The following LHPP variants were observed in gnomAD, a reference collection of about 807,000 sequenced individuals.
The protein encoded by LHPP is phospholysine phosphohistidine inorganic pyrophosphate phosphatase, also known as hLHPP.
A neutral mutation model predicts 30.3 loss-of-function variants in LHPP; 24 were observed. The observed-to-expected ratio is 0.79, with a 90% CI of 0.57 to 1.11. LHPP has a LOEUF of 1.11. Among genes scored for constraint, LHPP ranks in the 50% most tolerant of loss-of-function variants. The pLI is 0.00. For missense variants in LHPP, 356 were observed against 367.2 expected (o/e 0.97, Z 0.25); for synonymous variants, 150 against 157.1 (o/e 0.95, Z 0.34).
chr10:124,508,499 C>T (rs73365867), intron 5 of LHPP, among the ~76,000 whole-genome samples: 2,266 of 152,220 alleles, frequency 0.015, 64 homozygotes, highest in African/African-American at 0.051. Flanking sequence ...AGCTTCCGGC[C>T]CTGGCTTTGT....
At chr10:124,513,906 C>T (rs1396260018) in intron 5 of LHPP, among the ~76,000 whole-genome samples, 1 of 152,160 alleles carries the variant, frequency 6.6e-6, no homozygotes, top group Non-Finnish European at 1.5e-5. Context: ...ATGACTCCCT[C>T]CACTCTATGT....
At chr10:124,464,306 A>G (rs1286787198) in intron 1 of LHPP, among the ~76,000 whole-genome samples, 2 of 152,206 alleles carry the variant, frequency 1.3e-5, no homozygotes, top group Non-Finnish European at 2.9e-5. Flanking sequence ...CTGGGACTCA[A>G]TATACCTATC....
In LHPP at chr10:124,510,602, T is replaced by C. The variant is rs929243286; in HGVS notation, c.625-6578T>C. Among the ~76,000 whole-genome samples, 5 of 152,236 alleles carry C rather than the reference T, an allele frequency of 3.3e-5. No individual in the cohort carries two copies. Among genetic ancestry groups the C allele is most frequent in the Non-Finnish European group, 5.9e-5 (4 of 68,050 alleles). ...AGCCCAGGAAGAACCAAGTCTGTAT[T>C]CTGGGAGGGAAACCTGTGTGCTGTC... On this transcript the variant is annotated intron_variant, in intron 5 of 6. Transcript: ENST00000368842. The surrounding 1 kb of genome is among the most constrained non-coding windows in gnomAD (Gnocchi z 4.0).
chr10:124,505,560 C>G (rs1387957271), intron 5 of LHPP, among the ~76,000 whole-genome samples: 1 of 152,208 alleles, frequency 6.6e-6, no homozygotes, highest in Non-Finnish European at 1.5e-5. Context: ...TGGTATTATG[C>G]TAATAGATTG....
chr10:124,474,226 A>T lies in LHPP; in HGVS notation c.126-9913A>T, dbSNP rs546614066. On this transcript the variant is annotated intron_variant, in intron 1 of 6. Transcript: ENST00000368842. ...ACAATCTTGGCTCACTGCAGCCTCG[A>T]CCTCCTGGGCTCAAGCGATCCTTTC... Among the ~76,000 whole-genome samples, 431 of 140,496 alleles carry T rather than the reference A, an allele frequency of 3.1e-3. 1 individual carries two copies. Among genetic ancestry groups the T allele is most frequent in the Non-Finnish European group, 5.1e-3 (340 of 66,600 alleles). The allele number at this position is 140,496 out of a possible 152,430, so 92.2% of individuals were successfully genotyped here. A position where few individuals can be genotyped will look rare whatever the true frequency, so the allele number is the denominator to read the frequency against.
chr10:124,497,219 C>A (rs1185715565), intron 4 of LHPP, among the ~76,000 whole-genome samples, 195 bp downstream of exon 4: 1 of 150,772 alleles, frequency 6.6e-6, no homozygotes, highest in Non-Finnish European at 1.5e-5. Flanking sequence ...CCTCCTCCCT[C>A]CCCATCTCTC....
intron 6 of LHPP, among the ~76,000 whole-genome samples, chr10:124,560,220 CA>C (rs368512448): frequency 5.6e-4 from 86 of 152,264 alleles, no homozygotes; most frequent in African/African-American, 1.9e-3. Flanking sequence ...GTAATATATT[CA>C]CATGGAAAAT....
intron 1 of LHPP, among the ~76,000 whole-genome samples, chr10:124,482,497 G>C (rs1433439458): frequency 1.3e-5 from 2 of 152,064 alleles, no homozygotes; most frequent in African/African-American, 2.4e-5. Flanking sequence ...TCTTTTCCAC[G>C]AGTCCACACT....
At chr10:124,518,491 G>C (rs956438829) in intron 6 of LHPP, among the ~76,000 whole-genome samples, 1 of 152,352 alleles carries the variant, frequency 6.6e-6, no homozygotes, top group East Asian at 1.9e-4. Context: ...TTGATGCCGG[G>C]TGCTGCCTGG....
Position 124,596,804 on chromosome 10 carries a change from T to C in LHPP, c.717-16460T>C, listed in dbSNP as rs997727552. ...TGCCCTGCCACCATGATGGTGAATA[T>C]GAGGTGTCAACCTGATTGGATTGAA... On this transcript the variant is annotated intron_variant, in intron 6 of 6. Coordinates refer to ENST00000368842, the MANE Select transcript of LHPP (RefSeq NM_022126.4). The surrounding 1 kb of genome is among the most constrained non-coding windows in gnomAD (Gnocchi z 4.6). 1.3e-5 allele frequency among the ~76,000 whole-genome samples: 2 copies of C among 152,156 alleles called. No homozygotes were observed. Among genetic ancestry groups the C allele is most frequent in the African/African-American group, 4.8e-5 (2 of 41,434 alleles).
chr10:124,514,550 C>T (rs1954397944), intron 5 of LHPP, among the ~76,000 whole-genome samples: 1 of 152,212 alleles, frequency 6.6e-6, no homozygotes, highest in East Asian at 1.9e-4. Context: ...AACAAGAAAT[C>T]TAACGTCTTA....
At chr10:124,500,255 C>G (rs1406775529) in intron 5 of LHPP, among the ~76,000 whole-genome samples, 1 of 151,720 alleles carries the variant, frequency 6.6e-6, no homozygotes, top group East Asian at 1.9e-4. Flanking sequence ...GGTGGATCAC[C>G]TGAGGTCAGG....
rs1299926057 is a variant in LHPP, at chr10:124,592,761, G to A, written c.717-20503G>A. Among the ~76,000 whole-genome samples, 6 of 152,236 alleles carry A rather than the reference G, an allele frequency of 3.9e-5. No individual in the cohort carries two copies. The East Asian group carries it at 9.6e-4, about 24-fold the overall frequency. On this transcript the variant is annotated intron_variant, in intron 6 of 6. Transcript: ENST00000368842. This position sits in a 1 kb window ranked among gnomAD's most constrained non-coding sequence, Gnocchi z 6.2. Reference sequence around the variant, plus strand: ...AAAAGCAAAGCAGTGTTGACAGAGTGTCCTGGAGGGCAGCTTGTCTCCCTG... The same window carrying A: ...AAAAGCAAAGCAGTGTTGACAGAGTATCCTGGAGGGCAGCTTGTCTCCCTG...
At chr10:124,588,907 G>T (rs1327698249) in intron 6 of LHPP, among the ~76,000 whole-genome samples, 1 of 152,206 alleles carries the variant, frequency 6.6e-6, no homozygotes, top group South Asian at 2.1e-4. Flanking sequence ...AGGAAGGAAG[G>T]GCAAAGGTTA....
chr10:124,521,856 C>T (rs1024257979), intron 6 of LHPP, among the ~76,000 whole-genome samples: 11 of 152,040 alleles, frequency 7.2e-5, no homozygotes, highest in South Asian at 2.1e-4. Flanking sequence ...CACACGTGCA[C>T]GCACTTACAC....
At chr10:124,512,267 G>A (rs1954319301) in intron 5 of LHPP, among the ~76,000 whole-genome samples, 1 of 152,186 alleles carries the variant, frequency 6.6e-6, no homozygotes, top group Admixed American at 6.5e-5. Flanking sequence ...CCTCTCTGAT[G>A]TGGTGAGATA....
At chr10:124,599,955 G>C (rs1329354825) in intron 6 of LHPP, among the ~76,000 whole-genome samples, 1 of 152,252 alleles carries the variant, frequency 6.6e-6, no homozygotes, top group Non-Finnish European at 1.5e-5. Flanking sequence ...GGTAGGATAG[G>C]TCCTGAAGAC....
intron 6 of LHPP, among the ~76,000 whole-genome samples, chr10:124,557,752 C>T (rs1387301029): frequency 6.6e-6 from 1 of 152,040 alleles, no homozygotes; most frequent in Non-Finnish European, 1.5e-5. Context: ...GCAAGGCTGG[C>T]CAAGCAGGGT....
chr10:124,572,592 T>C (rs908296327), intron 6 of LHPP, among the ~76,000 whole-genome samples: 3 of 148,186 alleles, frequency 2.0e-5, no homozygotes, highest in African/African-American at 5.0e-5. Context: ...GATCACGCCA[T>C]TGCACTCCAG....
Sources: allele counts gnomAD v4.1 joint callset (sites outside exome capture counted in the v4.1 genomes callset), GRCh38; gene constraint gnomAD v4.1.1; non-coding constraint Gnocchi (gnomAD v3.1); transcripts MANE v1.5; gene names NCBI Gene and HGNC (gene_info 2026-07-23, HGNC 2026-07-21).